The following GHRHR variants were observed in gnomAD, a reference collection of about 807,000 sequenced individuals.
The protein encoded by GHRHR is growth hormone-releasing hormone receptor.
GHRHR carries 40 observed loss-of-function variants against 58.3 expected under a neutral mutation model. The ratio of observed to expected loss-of-function variants is 0.69; its 90% CI spans 0.53 to 0.89. The LOEUF (loss-of-function observed/expected upper bound fraction) is 0.89. Ranked by LOEUF, GHRHR falls within the 40% of genes least tolerant of loss-of-function variation. GHRHR has a pLI of 0.00. For missense variants in GHRHR, 551 were observed against 541.3 expected (o/e 1.02, Z -0.18); for synonymous variants, 249 against 216.6 (o/e 1.15, Z -1.31).
intron 12 of GHRHR, among the ~76,000 whole-genome samples, chr7:30,978,337 AGT>A (rs1378187867): frequency 6.6e-6 from 1 of 152,052 alleles, no homozygotes; most frequent in Admixed American, 6.5e-5. Context: ...GTGTGGAAAA[AGT>A]GTTTCCACAG....
intron 9 of GHRHR, 41 bp downstream of exon 9, chr7:30,975,081 C>T (rs763734599): frequency 1.5e-6 from 2 of 1,348,102 alleles, no homozygotes; most frequent in Non-Finnish European, 2.1e-6. Flanking sequence ...ATTCAGTCAA[C>T]TTCCCTGGAA....
At chr7:30,972,524 G>A (rs1792500295) in intron 6 of GHRHR, among the ~76,000 whole-genome samples, 1 of 152,186 alleles carries the variant, frequency 6.6e-6, no homozygotes, top group African/African-American at 2.4e-5. Flanking sequence ...AGGAAGCTGA[G>A]AGCTAGGAGA....
At chr7:30,974,912 C>A in intron 8 of GHRHR, 59 bp from the exon 9 acceptor site, 2 of 1,075,120 alleles carry the variant, frequency 1.9e-6, no homozygotes, top group Non-Finnish European at 2.9e-6. Context: ...GAGGGAGGTG[C>A]CTGCGTCACC....
At chr7:30,971,922 C>T (rs987732349) in intron 5 of GHRHR, 41 bp from the exon 6 acceptor site, 2 of 1,608,434 alleles carry the variant, frequency 1.2e-6, no homozygotes, top group Non-Finnish European at 1.7e-6. Context: ...ATCCCCTCTC[C>T]CTGCTTGCTT....
Position 30,969,100 on chromosome 7 carries a change from A to C in GHRHR, c.198A>C (p.Pro66=). The change falls in exon 3 of 13, where the codon CCA becomes CCC. Residue 66 remains proline (P), a synonymous_variant. Coordinates refer to ENST00000326139, the MANE Select transcript of GHRHR (RefSeq NM_000823.4). Reference sequence around the variant, plus strand: ...CCTGGGATGGGCTGCTGTGCTGGCCAACGGCAGGCTCTGGCGAGTGGGTCA... The same window carrying C: ...CCTGGGATGGGCTGCTGTGCTGGCCCACGGCAGGCTCTGGCGAGTGGGTCA... The part of the protein sequence containing the change: ...PATWDGLLCW[P]TAGSGEWVTL... 6.3e-7 allele frequency: 1 copy of C among 1,581,838 alleles called. No individual in the cohort carries two copies. The highest frequency in any genetic ancestry group is 1.3e-5 in the African/African-American group (1 of 74,700).
At chr7:30,975,334 G>C (rs944612423) in intron 9 of GHRHR, among the ~76,000 whole-genome samples, 2 of 152,208 alleles carry the variant, frequency 1.3e-5, no homozygotes. Context: ...GGGGTGCCGG[G>C]TGGGGGCAGT....
intron 1 of GHRHR, among the ~76,000 whole-genome samples, chr7:30,966,627 G>A (rs1792361067): frequency 6.8e-6 from 1 of 146,858 alleles, no homozygotes; most frequent in Non-Finnish European, 1.5e-5. Context: ...CATGGTACCT[G>A]TCTTGCTTCT....
intron 1 of GHRHR, among the ~76,000 whole-genome samples, chr7:30,966,161 C>T (rs1467508187): frequency 6.6e-6 from 1 of 152,156 alleles, no homozygotes; most frequent in Non-Finnish European, 1.5e-5. Flanking sequence ...ACTGGGCTGG[C>T]TCTCCAGATT....
chr7:30,965,067 A>G (rs1448423512), intron 1 of GHRHR, among the ~76,000 whole-genome samples: 1 of 152,130 alleles, frequency 6.6e-6, no homozygotes, highest in Admixed American at 6.5e-5. Flanking sequence ...TCTTGCTTTT[A>G]TCTCTTTTGT....
intron 11 of GHRHR, among the ~76,000 whole-genome samples, 163 bp from the exon 12 acceptor site, chr7:30,977,118 C>T (rs2128598886): frequency 6.6e-6 from 1 of 152,306 alleles, no homozygotes. Flanking sequence ...GACAATATGC[C>T]TGGCACATAG....
At chr7:30,978,443 C>G (rs1792628612) in intron 12 of GHRHR, among the ~76,000 whole-genome samples, 1 of 152,166 alleles carries the variant, frequency 6.6e-6, no homozygotes, top group Non-Finnish European at 1.5e-5. Context: ...CCCAATAGCT[C>G]TTTCTGTTGT....
At chr7:30,975,729 G>A (rs146731851) in intron 9 of GHRHR, 48 bp from the exon 10 acceptor site, 2 of 1,125,150 alleles carry the variant, frequency 1.8e-6, no homozygotes, top group African/African-American at 1.5e-5. Flanking sequence ...GCCACCCAAG[G>A]CTACCCCCTG....
chr7:30,973,864 C>A (rs2128598179), intron 6 of GHRHR, 121 bp from the exon 7 acceptor site: 2 of 961,618 alleles, frequency 2.1e-6, no homozygotes, highest in Non-Finnish European at 3.3e-6. Flanking sequence ...GCCCAAGGAG[C>A]TGCAGGTCCC....
intron 5 of GHRHR, 137 bp downstream of exon 5, chr7:30,971,353 T>G (rs1348541395): frequency 1.4e-6 from 1 of 697,514 alleles, no homozygotes; most frequent in East Asian, 2.7e-5. Flanking sequence ...TTCCCTTCCC[T>G]TTTCCCCACC....
chr7:30,963,962 G>A lies in GHRHR; in HGVS notation c.-107G>A. ...GCCTATGCAAACAGCCACCTGAGAA[G>A]GGGAAGCAGAGGGTGCGGTGGAAAC... On this transcript the variant is annotated 5_prime_UTR_variant, in exon 1 of 13. Transcript: ENST00000326139. The A allele has an allele frequency of 9.6e-7, 1 of 1,043,458 alleles. No homozygotes were observed. 64.6% of individuals were successfully genotyped at this position (1,043,458 alleles called of 1,614,324 possible).
rs966568150 is a variant in GHRHR at position 30,979,191 on chromosome 7, A to G, written c.1219A>G (p.Lys407Glu). 7 of 1,613,940 alleles carry G rather than the reference A, an allele frequency of 4.3e-6. No homozygotes were observed. In the South Asian group the frequency reaches 7.7e-5, roughly 18 times the overall value. ...TCTGCCAGCCTGGAGGACCCGTGCT[A>G]AGTGGACCACGCCTTCCCGCTCGGC... Reference protein sequence around the residue: ...ELLPAWRTRAKWTTPSRSAAK... With the variant: ...ELLPAWRTRAEWTTPSRSAAK... Residue 407 changes from lysine to glutamate, a missense_variant, in exon 13 of 13, where the codon AAG becomes GAG. Transcript: ENST00000326139.
In GHRHR at chr7:30,979,143, T is replaced by C; in HGVS notation, c.1171T>C (p.Trp391Arg). The C allele has an allele frequency of 6.2e-7, 1 of 1,613,768 alleles. No homozygotes were observed. The highest frequency in any genetic ancestry group is 8.5e-7 in the Non-Finnish European group (1 of 1,179,688). Reference sequence around the variant, plus strand: ...GGTGAGGACTGAGATCTCACGGAAGTGGCATGGCCATGACCCTGAGCTTCT... The same window carrying C: ...GGTGAGGACTGAGATCTCACGGAAGCGGCATGGCCATGACCCTGAGCTTCT... The part of the protein sequence containing the change: ...QEVRTEISRK[W>R]HGHDPELLPA... Residue 391 changes from tryptophan (W) to arginine (R), a missense_variant, in exon 13 of 13, where the codon TGG (tryptophan) becomes CGG (arginine). By Grantham distance (101) the Trp-to-Arg change is moderately radical (BLOSUM62 -3). Transcript: ENST00000326139.
chr7:30,976,941 TATCCATCCATCTATCC>T (rs1342883453), intron 11 of GHRHR, among the ~76,000 whole-genome samples: 1 of 136,140 alleles, frequency 7.3e-6, no homozygotes, highest in Non-Finnish European at 1.6e-5. Context: ...CCCACTCATC[TATCCATCCATCTATCC>T]ATCCATCCAC....
At chr7:30,976,152 G>A (rs553323365) in intron 10 of GHRHR, among the ~76,000 whole-genome samples, 1 of 152,286 alleles carries the variant, frequency 6.6e-6, no homozygotes, top group African/African-American at 2.4e-5. Flanking sequence ...GGGTGGTGTG[G>A]TCAAGGAAGA....
Sources: allele counts gnomAD v4.1 joint callset (sites outside exome capture counted in the v4.1 genomes callset), GRCh38; gene constraint gnomAD v4.1.1; transcripts MANE v1.5; gene names NCBI Gene and HGNC (gene_info 2026-07-23, HGNC 2026-07-21).